CSF2RA: variants seen among roughly 807,000 people sequenced by gnomAD.
CSF2RA encodes colony stimulating factor 2 receptor subunit alpha.
Under a neutral mutation model 51.6 loss-of-function variants are expected in CSF2RA, and 42 were observed. That is an observed-to-expected ratio of 0.81 (90% CI 0.64 to 1.05). The LOEUF is 1.05. Among genes scored for constraint, CSF2RA ranks in the 50% least tolerant of loss-of-function variants. The probability of loss-of-function intolerance (pLI) is 0.00; values close to 1 mark genes in which losing one functional copy is unlikely to be tolerated. For synonymous variants in CSF2RA, 222 were observed against 193.0 expected (o/e 1.15, Z -1.24); for missense variants, 530 against 501.1 (o/e 1.06, Z -0.55).
intron 1 of CSF2RA, among the ~76,000 whole-genome samples, chrX:1,269,818 T>C (rs2088129047): frequency 6.7e-6 from 1 of 149,054 alleles, no homozygotes. Flanking sequence ...ATTAAGATAG[T>C]AAAGGGGGGC....
intron 1 of CSF2RA, among the ~76,000 whole-genome samples, chrX:1,269,501 T>G (rs2088058471): frequency 6.6e-6 from 1 of 151,898 alleles, no homozygotes; most frequent in Non-Finnish European, 1.5e-5. Context: ...CAGGCACCTG[T>G]AATCCCACCT....
At chrX:1,322,821 T>C in the CSF2RA span, among the ~76,000 whole-genome samples, 7 of 152,016 alleles carry the variant, frequency 4.6e-5, no homozygotes, top group African/African-American at 2.4e-5. Flanking sequence ...TCTTTGCAGA[T>C]GTGATGAAGG....
chrX:1,323,158 T>TAAAATAAA, the CSF2RA span, among the ~76,000 whole-genome samples: 1 of 134,022 alleles, frequency 7.5e-6, no homozygotes, highest in Non-Finnish European at 1.5e-5. Flanking sequence ...ACATTACAAT[T>TAAAATAAA]ATAAAATAAA....
At chrX:1,300,389 A>G in intron 9 of CSF2RA, 102 bp from the exon 10 acceptor site, 1 of 1,409,626 alleles carries the variant, frequency 7.1e-7, no homozygotes. Context: ...AAAAGAAAAA[A>G]AGAAAAGGAG....
intron 10 of CSF2RA, among the ~76,000 whole-genome samples, chrX:1,303,665 C>G (rs772472984): frequency 6.6e-6 from 1 of 152,140 alleles, no homozygotes; most frequent in Admixed American, 6.6e-5. Flanking sequence ...CGTGAGCCAC[C>G]GCATCCGGCC....
At chrX:1,289,847 T>A (rs1193304695) in intron 6 of CSF2RA, among the ~76,000 whole-genome samples, 1 of 150,320 alleles carries the variant, frequency 6.7e-6, no homozygotes, top group Non-Finnish European at 1.5e-5. Flanking sequence ...TTTTGTTTTG[T>A]GTTTTTGTGT....
At chrX:1,287,534 C>T (rs1251491274) in intron 4 of CSF2RA, among the ~76,000 whole-genome samples, 8 of 149,304 alleles carry the variant, frequency 5.4e-5, no homozygotes, top group African/African-American at 2.0e-4. Flanking sequence ...ACCTGTGCCT[C>T]CTGGGTTCAA....
At chrX:1,300,353 T>C (rs1197308114) in intron 9 of CSF2RA, 138 bp from the exon 10 acceptor site, 1 of 1,077,912 alleles carries the variant, frequency 9.3e-7, no homozygotes, top group African/African-American at 1.6e-5. Flanking sequence ...ACCAAGTGCA[T>C]TCAGAGTGGT....
intron 10 of CSF2RA, among the ~76,000 whole-genome samples, chrX:1,303,564 C>T (rs1446874630): frequency 1.4e-4 from 21 of 151,760 alleles, no homozygotes; most frequent in African/African-American, 4.4e-4. Context: ...TTGGTAGAGA[C>T]GGGGTTTCAC....
chrX:1,290,279 G>A, intron 6 of CSF2RA, 58 bp from the exon 7 acceptor site: 1 of 1,374,420 alleles, frequency 7.3e-7, no homozygotes, highest in South Asian at 1.2e-5. Context: ...TTTGTTTTGT[G>A]TTTTTGTGTT....
chrX:1,309,128 C>T (rs1325743992), intron 12 of CSF2RA, among the ~76,000 whole-genome samples: 2 of 151,904 alleles, frequency 1.3e-5, no homozygotes, highest in Non-Finnish European at 2.9e-5. Flanking sequence ...TCTAATCAGT[C>T]GAAGGTCTAA....
At position 1,276,169 on chromosome X, in the gene CSF2RA, TTTTGTTTG is replaced by T. The variant is rs761009311; in HGVS notation, c.-27+1379_-27+1386del. 8.3e-3 allele frequency among the ~76,000 whole-genome samples: 1,211 copies of T among 146,154 alleles called. 13 individuals carry two copies. Among genetic ancestry groups the T allele is most frequent in the African/African-American group, 0.024 (938 of 39,182 alleles). On this transcript the variant is annotated intron_variant, in intron 2 of 12. Transcript: ENST00000381529. Reference sequence around the variant, plus strand: ...AGGTACGCCACCACGCCTGGCTAAATTTTGTTTGTTTGTTTGTTTGTTTGTTTGTTTGT... The same window carrying T: ...AGGTACGCCACCACGCCTGGCTAAATTTTGTTTGTTTGTTTGTTTGTTTGT...
chrX:1,303,962 T>C lies in CSF2RA; in HGVS notation c.986T>C (p.Val329Ala). The change falls in exon 11 of 13, where the codon GTG (valine) becomes GCG (alanine). Residue 329 changes from valine to alanine, a missense_variant. Val to Ala is a moderately conservative substitution (Grantham distance 64). Transcript: ENST00000381529. ...AACCTCGGCTCTGTGTACATTTATGTGCTCCTAATCGTGGGAACCCTTGTC... is the reference window on the plus strand; with the variant it reads ...AACCTCGGCTCTGTGTACATTTATGCGCTCCTAATCGTGGGAACCCTTGTC... The part of the protein sequence containing the change: ...DGNLGSVYIY[V>A]LLIVGTLVCG... 5.0e-6 allele frequency: 8 copies of C among 1,613,554 alleles called. No individual in the cohort carries two copies. The highest frequency in any genetic ancestry group is 6.8e-6 in the Non-Finnish European group (8 of 1,179,834).
In CSF2RA at chrX:1,300,526, C is replaced by G. The variant is rs1287682023; in HGVS notation, c.846C>G (p.Asn282Lys). The change falls in exon 10 of 13, where the codon AAC becomes AAG. Residue 282 changes from asparagine to lysine, a missense_variant. Asn to Lys is a moderately conservative substitution (Grantham distance 94). Coordinates refer to ENST00000381529, the MANE Select transcript of CSF2RA (RefSeq NM_172245.4). Reference sequence around the variant, plus strand: ...CTGGTGATTTGGAAAATAGATACAACTTTCCAAGCTCTGAGCCCAGAGCAA... The same window carrying G: ...CTGGTGATTTGGAAAATAGATACAAGTTTCCAAGCTCTGAGCCCAGAGCAA... ...NVSGDLENRY[N>K]FPSSEPRAKH... is the part of the protein sequence containing the mutation. The G allele has an allele frequency of 6.2e-7, 1 of 1,613,936 alleles. No homozygotes were observed. Among genetic ancestry groups the G allele is most frequent in the Admixed American group, 1.7e-5 (1 of 60,002 alleles).
chrX:1,311,078 C>T (rs181062493), downstream of CSF2RA, among the ~76,000 whole-genome samples: 393 of 151,716 alleles, frequency 2.6e-3, 2 homozygotes, highest in African/African-American at 9.0e-3. Flanking sequence ...TGAAACCCCG[C>T]TTCTACTAAA....
intron 1 of CSF2RA, among the ~76,000 whole-genome samples, chrX:1,272,255 G>C (rs1454776080): frequency 6.6e-6 from 1 of 151,626 alleles, no homozygotes; most frequent in East Asian, 1.9e-4. Context: ...TACCCAGCCA[G>C]ATTTACACAT....
At chrX:1,274,323 C>T (rs1246472074) in intron 1 of CSF2RA, among the ~76,000 whole-genome samples, 3 of 151,314 alleles carry the variant, frequency 2.0e-5, no homozygotes, top group African/African-American at 7.3e-5. Flanking sequence ...ATTTTTTTGG[C>T]GGGGAGGGAG....
At chrX:1,300,439 T>C in intron 9 of CSF2RA, 52 bp from the exon 10 acceptor site, 2 of 1,606,526 alleles carry the variant, frequency 1.2e-6, no homozygotes, top group Non-Finnish European at 1.7e-6. Context: ...AAAGGCAACC[T>C]TTTCCTCCAC....
the CSF2RA span, among the ~76,000 whole-genome samples, chrX:1,323,433 G>A: frequency 6.6e-6 from 1 of 152,082 alleles, no homozygotes; most frequent in African/African-American, 2.4e-5. Context: ...GCTGCAGAGA[G>A]GAGCATGTCG....
Sources: allele counts gnomAD v4.1 joint callset (sites outside exome capture counted in the v4.1 genomes callset), GRCh38; gene constraint gnomAD v4.1.1; transcripts MANE v1.5; gene names NCBI Gene and HGNC (gene_info 2026-07-23, HGNC 2026-07-21).